DOP1A: variants seen among roughly 807,000 people sequenced by gnomAD.
DOP1A encodes the protein protein DOP1A.
A neutral mutation model predicts 267.6 loss-of-function variants in DOP1A; 90 were observed. That is an observed-to-expected ratio of 0.34 (90% CI 0.28 to 0.40). The LOEUF (loss-of-function observed/expected upper bound fraction) is 0.40. Ranked by LOEUF, DOP1A falls within the 10% of genes least tolerant of loss-of-function variation. The pLI is 1.00. For synonymous variants in DOP1A, 932 were observed against 999.1 expected, an observed-to-expected ratio of 0.93 and a Z score of 1.27; for missense variants, 2,437 against 2,900.4, an observed-to-expected ratio of 0.84 and a Z score of 3.67.
intron 6 of DOP1A, among the ~76,000 whole-genome samples, chr6:83,110,984 C>G (rs1467948630): frequency 1.3e-5 from 2 of 152,122 alleles, no homozygotes; most frequent in African/African-American, 4.8e-5. Flanking sequence ...TTTACATCAC[C>G]CTAAAAAGTC....
intron 30 of DOP1A, among the ~76,000 whole-genome samples, chr6:83,152,734 C>T (rs1469440124): frequency 6.6e-6 from 1 of 151,606 alleles, no homozygotes; most frequent in Non-Finnish European, 1.5e-5. Flanking sequence ...TCTCCTCCCT[C>T]AGCCTCCTAA....
Position 83,151,669 on chromosome 6 carries a change from T to C in DOP1A, c.5904+10T>C. 6.3e-7 allele frequency: 1 copy of C among 1,593,906 alleles called. No individual in the cohort carries two copies. The highest frequency in any genetic ancestry group is 1.7e-4 in the Middle Eastern group (1 of 5,928). On this transcript the variant is annotated intron_variant, in intron 28 of 38. Transcript: ENST00000349129. The stretch of plus-strand genomic sequence containing the variant: ...CCAAAGAGACCTTCAGGTAAGGCAG[T>C]CTAAGAGCTGTTGCCAAAACTGTTT...
rs756793163 is a variant in DOP1A at position 83,140,278 on chromosome 6, A to G, written c.5290A>G (p.Ile1764Val). 2.1e-5 allele frequency: 34 copies of G among 1,613,548 alleles called. No individual in the cohort carries two copies. The highest frequency in any genetic ancestry group is 2.3e-5 in the Non-Finnish European group (27 of 1,179,902). ...LFEARSGILS[I>V]LHMIMSSVTL... ...TGAAGCACGCAGTGGAATCCTCTCA[A>G]TCCTTCATATGATCATGTCCTCTGT... The change falls in exon 23 of 39, where the codon ATC becomes GTC. Residue 1764 changes from isoleucine (I) to valine (V), a missense_variant. Coordinates refer to ENST00000349129, the MANE Select transcript of DOP1A (RefSeq NM_015018.4).
rs1771583987 is a variant in DOP1A, at chr6:83,096,729, A to G, written c.-146-2A>G. ...TTTCACAGTCATTTTTCCAATTCCT[A>G]GGAAGGAACACACAAGTAGTTATCT... On this transcript the variant is annotated splice_acceptor_variant, in intron 1 of 38. Coordinates refer to ENST00000349129, the MANE Select transcript of DOP1A (RefSeq NM_015018.4). LOFTEE classifies it low-confidence loss of function (5UTR_SPLICE). The G allele has an allele frequency of 4.9e-6, 2 of 411,214 alleles. No individual in the cohort carries two copies. The highest frequency in any genetic ancestry group is 8.6e-6 in the Non-Finnish European group (2 of 233,814). 25.5% of individuals were successfully genotyped at this position (411,214 alleles called of 1,614,324 possible). A position where few individuals can be genotyped will look rare whatever the true frequency, so the allele number is the denominator to read the frequency against.
intron 6 of DOP1A, among the ~76,000 whole-genome samples, chr6:83,111,930 G>A (rs1582976414): frequency 6.6e-6 from 1 of 151,864 alleles, no homozygotes; most frequent in South Asian, 2.1e-4. Context: ...TGCTTTTGGT[G>A]TTATATTAGG....
intron 1 of DOP1A, among the ~76,000 whole-genome samples, chr6:83,073,685 G>A (rs181319540): frequency 6.6e-6 from 1 of 152,286 alleles, no homozygotes; most frequent in Non-Finnish European, 1.5e-5. Context: ...TTGTCAGAGG[G>A]GATAGGGAAG....
chr6:83,151,821 A>C (rs1289879849), intron 28 of DOP1A, 62 bp from the exon 29 acceptor site: 38 of 1,510,430 alleles, frequency 2.5e-5, no homozygotes, highest in Middle Eastern at 1.7e-4. Context: ...TATAAACTAC[A>C]GAAGTTCATA....
intron 18 of DOP1A, 56 bp downstream of exon 18, chr6:83,132,384 C>T (rs1583049218): frequency 2.2e-6 from 2 of 909,300 alleles, no homozygotes; most frequent in South Asian, 4.7e-5. Context: ...CACACACACA[C>T]AAATACTGAA....
intron 4 of DOP1A, among the ~76,000 whole-genome samples, chr6:83,104,224 C>A (rs1041070356): frequency 6.6e-6 from 1 of 152,138 alleles, no homozygotes; most frequent in Admixed American, 6.5e-5. Flanking sequence ...TATAGTCACA[C>A]TATCTGTGAA....
chr6:83,142,857 G>T (rs1779879789), intron 24 of DOP1A, among the ~76,000 whole-genome samples: 1 of 152,044 alleles, frequency 6.6e-6, no homozygotes. Context: ...CAAAGCTCAA[G>T]AGAAATGCTC....
chr6:83,141,926 G>A lies in DOP1A; in HGVS notation c.5421G>A (p.Leu1807=). 1 of 1,594,068 alleles carries A rather than the reference G, an allele frequency of 6.3e-7. No homozygotes were observed. Among genetic ancestry groups the A allele is most frequent in the South Asian group, 1.1e-5 (1 of 87,212 alleles). The change falls in exon 24 of 39, where the codon TTG becomes TTA. Residue 1807 remains leucine (L), a synonymous_variant. Coordinates refer to ENST00000349129, the MANE Select transcript of DOP1A (RefSeq NM_015018.4). The part of the protein sequence containing the change: ...TTINLGATKN[L]RQQILELLGP... Reference sequence around the variant, plus strand: ...TTTGCTTCAAATTGTTTTAGAACTTGAGACAACAGATTCTTGAATTGTTGG... The same window carrying A: ...TTTGCTTCAAATTGTTTTAGAACTTAAGACAACAGATTCTTGAATTGTTGG...
At chr6:83,169,260 C>T, downstream of DOP1A, 1 of 1,614,036 alleles carries the variant, frequency 6.2e-7, no homozygotes, top group Non-Finnish European at 8.5e-7. Context: ...GGCCTTTCTC[C>T]AATTCCTCCA....
At chr6:83,075,149 AAT>A (rs1766859186) in intron 1 of DOP1A, among the ~76,000 whole-genome samples, 2 of 152,290 alleles carry the variant, frequency 1.3e-5, no homozygotes, top group Admixed American at 6.5e-5. Context: ...TCTTTTAGTT[AAT>A]ATATGTTAGC....
chr6:83,076,466 G>A (rs1314194388), intron 1 of DOP1A, among the ~76,000 whole-genome samples: 2 of 151,994 alleles, frequency 1.3e-5, no homozygotes, highest in African/African-American at 2.4e-5. Flanking sequence ...AGCCAAGATC[G>A]CACCACTGCA....
intron 7 of DOP1A, 63 bp downstream of exon 7, chr6:83,113,484 T>C: frequency 7.4e-7 from 1 of 1,342,522 alleles, no homozygotes; most frequent in Non-Finnish European, 1.1e-6. Flanking sequence ...TGATAATGTG[T>C]AGTTATTTTT....
chr6:83,100,904 A>G lies in DOP1A; in HGVS notation c.320+18A>G, dbSNP rs1449525178. ...TTATATAGGTAAGAATAATTTTACTATATATATACAAATAATATAAAGAAA... is the reference window on the plus strand; with the variant it reads ...TTATATAGGTAAGAATAATTTTACTGTATATATACAAATAATATAAAGAAA... On this transcript the variant is annotated intron_variant, in intron 4 of 38. Coordinates refer to ENST00000349129, the MANE Select transcript of DOP1A (RefSeq NM_015018.4). The G allele has an allele frequency of 4.8e-5, 65 of 1,348,918 alleles. No individual in the cohort carries two copies. Among genetic ancestry groups the G allele is most frequent in the Non-Finnish European group, 6.3e-5 (64 of 1,022,314 alleles). The allele number at this position is 1,348,918 out of a possible 1,614,324, so 83.6% of individuals were successfully genotyped here.
rs1782713130 is a variant in DOP1A at position 83,156,018 on chromosome 6, G to A, written c.6519G>A (p.Gln2173=). 2.5e-6 allele frequency: 4 copies of A among 1,614,100 alleles called. No homozygotes were observed. The East Asian group carries it at 8.9e-5, about 36-fold the overall frequency. ...LFANRDVELE[Q]RAMLLKRLAF... ...CAAACCGTGATGTGGAGCTAGAACAGAGAGCTATGCTTCTTAAAAGATTAG... is the reference window on the plus strand; with the variant it reads ...CAAACCGTGATGTGGAGCTAGAACAAAGAGCTATGCTTCTTAAAAGATTAG... The change falls in exon 34 of 39, where the codon CAG becomes CAA. Residue 2173 remains glutamine (Q), a synonymous_variant. Coordinates refer to ENST00000349129, the MANE Select transcript of DOP1A (RefSeq NM_015018.4).
At chr6:83,153,859 G>A (rs776462506) in intron 31 of DOP1A, 35 bp from the exon 32 acceptor site, 2 of 1,576,866 alleles carry the variant, frequency 1.3e-6, no homozygotes, top group East Asian at 4.5e-5. Context: ...TTAAAGTTAG[G>A]ACACGTAGGT....
chr6:83,113,530 CAGTA>C (rs1774913552), intron 7 of DOP1A, 109 bp downstream of exon 7: 4 of 807,012 alleles, frequency 5.0e-6, no homozygotes, highest in African/African-American at 3.4e-5. Context: ...TTGTATAAAT[CAGTA>C]AGCGCATGGA....
Sources: allele counts gnomAD v4.1 joint callset (sites outside exome capture counted in the v4.1 genomes callset), GRCh38; gene constraint gnomAD v4.1.1; transcripts MANE v1.5; gene names NCBI Gene and HGNC (gene_info 2026-07-23, HGNC 2026-07-21).